HS3ST3A1: variants seen among roughly 807,000 people sequenced by gnomAD.
The protein encoded by HS3ST3A1 is heparan sulfate glucosamine 3-O-sulfotransferase 3A1.
In HS3ST3A1, 19 loss-of-function variants were observed where a neutral mutation model predicts 25.7. The observed-to-expected ratio is 0.74, with a 90% CI of 0.52 to 1.08. The LOEUF is 1.08. Among genes scored for constraint, HS3ST3A1 ranks in the 50% least tolerant of loss-of-function variants. HS3ST3A1 has a pLI of 0.00. For synonymous variants in HS3ST3A1, 226 were observed against 278.6 expected, an observed-to-expected ratio of 0.81 and a Z score of 1.88; for missense variants, 459 against 594.3, an observed-to-expected ratio of 0.77 and a Z score of 2.37.
intron 1 of HS3ST3A1, among the ~76,000 whole-genome samples, chr17:13,560,319 A>AAAAAAAAAAAAAAT (rs1907502490): frequency 3.5e-5 from 5 of 143,922 alleles, no homozygotes; most frequent in Non-Finnish European, 6.0e-5. Flanking sequence ...AAAAAAAAAA[A>AAAAAAAAAAAAAAT]GTGTATTACC....
chr17:13,534,669 C>A (rs1015751203), intron 1 of HS3ST3A1, among the ~76,000 whole-genome samples: 39 of 151,122 alleles, frequency 2.6e-4, no homozygotes, highest in Non-Finnish European at 3.7e-4. Context: ...ATCAAGGCTG[C>A]AGTGAGCCAT....
At chr17:13,557,711 C>T (rs945074897) in intron 1 of HS3ST3A1, among the ~76,000 whole-genome samples, 1 of 152,154 alleles carries the variant, frequency 6.6e-6, no homozygotes, top group African/African-American at 2.4e-5. Flanking sequence ...AAGCTTGAAG[C>T]CATCTCCTCT....
intron 1 of HS3ST3A1, among the ~76,000 whole-genome samples, chr17:13,516,303 C>T (rs532242325): frequency 6.6e-6 from 1 of 151,940 alleles, no homozygotes; most frequent in African/African-American, 2.4e-5. Flanking sequence ...GCGCAAGACT[C>T]TGTCTCAAAA....
intron 1 of HS3ST3A1, among the ~76,000 whole-genome samples, chr17:13,529,566 C>T (rs1477403797): frequency 1.3e-5 from 2 of 152,128 alleles, no homozygotes; most frequent in Admixed American, 6.5e-5. Context: ...GTGACAAATC[C>T]CATTTGACTT....
chr17:13,594,788 G>A (rs997667302), intron 1 of HS3ST3A1, among the ~76,000 whole-genome samples: 3 of 151,250 alleles, frequency 2.0e-5, no homozygotes. Flanking sequence ...GCAAAGTGCA[G>A]CTCATCCTTA....
chr17:13,546,633 G>A (rs1057203301), intron 1 of HS3ST3A1, among the ~76,000 whole-genome samples: 1 of 152,162 alleles, frequency 6.6e-6, no homozygotes, highest in Non-Finnish European at 1.5e-5. Flanking sequence ...TATGGAAATG[G>A]CACCCCCTCT....
intron 1 of HS3ST3A1, among the ~76,000 whole-genome samples, chr17:13,561,127 C>T (rs555101508): frequency 6.6e-6 from 1 of 152,080 alleles, no homozygotes. Context: ...CTACCTCAGA[C>T]CAATAAAAGT....
intron 1 of HS3ST3A1, among the ~76,000 whole-genome samples, chr17:13,536,828 T>C (rs1034051348): frequency 6.6e-5 from 10 of 152,124 alleles, no homozygotes; most frequent in African/African-American, 2.4e-4. Context: ...GACACTGCAG[T>C]CTTAAAATTC....
intron 1 of HS3ST3A1, among the ~76,000 whole-genome samples, chr17:13,571,659 T>C (rs1907816696): frequency 6.6e-6 from 1 of 152,222 alleles, no homozygotes; most frequent in African/African-American, 2.4e-5. Context: ...AAAACAAGTT[T>C]AGTAAAATGT....
chr17:13,564,585 AT>A (rs1211215451), intron 1 of HS3ST3A1, among the ~76,000 whole-genome samples: 2 of 151,964 alleles, frequency 1.3e-5, no homozygotes, highest in African/African-American at 4.8e-5. Context: ...CTTAGACCAT[AT>A]TTTTTAGAAT....
chr17:13,578,437 C>T (rs979784023), intron 1 of HS3ST3A1, among the ~76,000 whole-genome samples: 1 of 151,130 alleles, frequency 6.6e-6, no homozygotes, highest in Non-Finnish European at 1.5e-5. Flanking sequence ...GTGGTGGGCG[C>T]CTGTAGTCCC....
At chr17:13,508,708 C>T (rs549490614) in intron 1 of HS3ST3A1, among the ~76,000 whole-genome samples, 29 of 152,250 alleles carry the variant, frequency 1.9e-4, no homozygotes, top group African/African-American at 6.7e-4. Flanking sequence ...TCCTAGGAGC[C>T]GGTGTGCTTC....
chr17:13,563,808 C>T (rs1048090258), intron 1 of HS3ST3A1, among the ~76,000 whole-genome samples: 1 of 152,178 alleles, frequency 6.6e-6, no homozygotes, highest in African/African-American at 2.4e-5. Flanking sequence ...GTTGCAGCTC[C>T]TTCCTTTCCT....
At chr17:13,535,475 A>G (rs1906744107) in intron 1 of HS3ST3A1, among the ~76,000 whole-genome samples, 1 of 152,198 alleles carries the variant, frequency 6.6e-6, no homozygotes, top group Non-Finnish European at 1.5e-5. Context: ...GTGTTGTTTC[A>G]TTCAACCTCA....
chr17:13,522,836 C>CCA (rs1423532959), intron 1 of HS3ST3A1, among the ~76,000 whole-genome samples: 23 of 118,254 alleles, frequency 1.9e-4, no homozygotes, highest in South Asian at 8.7e-4. Context: ...CACACACACA[C>CCA]CACACACACA....
Position 13,579,957 on chromosome 17 carries a change from AAAAAAAAAAG to A in HS3ST3A1, c.599+20564_599+20573del, listed in dbSNP as rs1260187017. On this transcript the variant is annotated intron_variant, in intron 1 of 1. Coordinates refer to ENST00000284110, the MANE Select transcript of HS3ST3A1 (RefSeq NM_006042.3). ...GTGACTCTGTCTAAAAAAAAAAAAA[AAAAAAAAAAG>A]AAAAAAGAAATTATACATATACTAT... Among the ~76,000 whole-genome samples the A allele has an allele frequency of 3.3e-3, 486 of 148,382 alleles. 2 individuals are homozygous for A. The highest frequency in any genetic ancestry group is 0.012 in the African/African-American group (467 of 39,540).
chr17:13,571,122 TGGGA>T (rs1169058577), intron 1 of HS3ST3A1, among the ~76,000 whole-genome samples: 1 of 151,980 alleles, frequency 6.6e-6, no homozygotes, highest in African/African-American at 2.4e-5. Flanking sequence ...GGGAGAAAGG[TGGGA>T]GGAAGGGGGC....
At chr17:13,506,467 A>G (rs983335492) in intron 1 of HS3ST3A1, among the ~76,000 whole-genome samples, 6 of 152,192 alleles carry the variant, frequency 3.9e-5, no homozygotes, top group African/African-American at 1.4e-4. Flanking sequence ...GTAAGGCTCC[A>G]CCAATCACAT....
intron 1 of HS3ST3A1, among the ~76,000 whole-genome samples, chr17:13,505,095 T>C (rs1905615964): frequency 6.6e-6 from 1 of 152,240 alleles, no homozygotes. Flanking sequence ...CTGAGCAGTA[T>C]GCTGACATGT....
Sources: gnomAD v4.1 joint callset for allele counts (sites outside exome capture counted in the v4.1 genomes callset) on GRCh38, gnomAD v4.1.1 for gene constraint, MANE v1.5 for transcripts, NCBI Gene and HGNC (gene_info 2026-07-23, HGNC 2026-07-21) for gene names.